Variants in CRNKL1 observed in about 807,000 individuals in gnomAD.
CRNKL1 encodes the protein crooked neck-like protein 1.
A neutral mutation model predicts 103.7 loss-of-function variants in CRNKL1; 35 were observed. The observed-to-expected ratio is 0.34, with a 90% CI of 0.26 to 0.45. The LOEUF is 0.45. Ranked by LOEUF, CRNKL1 falls within the 20% of genes least tolerant of loss-of-function variation. The pLI is 1.00. For missense variants in CRNKL1, 645 were observed against 836.0 expected, an observed-to-expected ratio of 0.77 and a Z score of 2.82; for synonymous variants, 267 against 282.6, an observed-to-expected ratio of 0.94 and a Z score of 0.55.
intron 5 of CRNKL1, among the ~76,000 whole-genome samples, chr20:20,047,366 T>G (rs904953763): frequency 6.6e-6 from 1 of 152,150 alleles, no homozygotes; most frequent in African/African-American, 2.4e-5. Flanking sequence ...GTATAAGTAA[T>G]CTAGAGATTA....
upstream of CRNKL1, among the ~76,000 whole-genome samples, chr20:20,054,412 T>TACACACAC (rs759860912): frequency 0.13 from 19,914 of 151,414 alleles, 1,407 homozygotes; most frequent in East Asian, 0.22. Flanking sequence ...TATATATATA[T>TACACACAC]ATACACACAC....
At chr20:20,050,417 T>TGTTAA (rs1555822702) in intron 2 of CRNKL1, 53 bp downstream of exon 2, 6 of 1,525,064 alleles carry the variant, frequency 3.9e-6, no homozygotes, top group Non-Finnish European at 5.3e-6. Flanking sequence ...CTTTTCAAAC[T>TGTTAA]GACCGATACA....
intron 7 of CRNKL1, among the ~76,000 whole-genome samples, chr20:20,043,044 CTT>C (rs2043539987): frequency 6.6e-6 from 1 of 152,184 alleles, no homozygotes; most frequent in African/African-American, 2.4e-5. Flanking sequence ...ATGACACTCT[CTT>C]TGAATTGAAA....
At chr20:20,043,355 GC>G (rs1224577630) in intron 7 of CRNKL1, 136 bp downstream of exon 7, 19 of 821,492 alleles carry the variant, frequency 2.3e-5, no homozygotes, top group Non-Finnish European at 3.6e-5. Context: ...TGAAATAGCT[GC>G]CAATTGGATC....
At position 20,037,694 on chromosome 20, in the gene CRNKL1, C is replaced by T. The variant is rs572649421; in HGVS notation, c.1648-123G>A. On this transcript the variant is annotated intron_variant, in intron 12 of 13. Transcript: ENST00000536226. ...AGTAATGTGTGCATCACTAATGTTT[C>T]ACAGATGAAAACAATGAATATATGC... is the stretch of plus-strand genomic sequence containing the variant. 2.2e-5 allele frequency: 19 copies of T among 864,928 alleles called. No individual in the cohort carries two copies. In the South Asian group the frequency reaches 2.7e-4, roughly 12 times the overall value. 53.6% of individuals were successfully genotyped at this position (864,928 alleles called of 1,614,324 possible).
chr20:20,035,402 G>C lies in CRNKL1; in HGVS notation c.*793C>G, dbSNP rs999060492. 4.6e-5 allele frequency: 7 copies of C among 152,248 alleles called. No individual in the cohort carries two copies. Among genetic ancestry groups the C allele is most frequent in the Admixed American group, 1.3e-4 (2 of 15,290 alleles). The allele number at this position is 152,248 out of a possible 1,614,324, so 9.4% of individuals were successfully genotyped here. A position where few individuals can be genotyped will look rare whatever the true frequency, so the allele number is the denominator to read the frequency against. Reference sequence around the variant, plus strand: ...ACATCATTTTTCATAGCACACACGTGAACAAGCCATTATTCTTTAAACAAG... The same window carrying C: ...ACATCATTTTTCATAGCACACACGTCAACAAGCCATTATTCTTTAAACAAG... On this transcript the variant is annotated 3_prime_UTR_variant, in exon 14 of 14. Transcript: ENST00000536226.
rs762215398 is a variant in CRNKL1, at chr20:20,038,378, G to A, written c.1618C>T (p.Arg540Trp). ...ACATGCTGCGTCCGTTGAAGCAACCGCCGGTAAAGGTTTCGTGTTCTTTCT... is the reference window on the plus strand; with the variant it reads ...ACATGCTGCGTCCGTTGAAGCAACCACCGGTAAAGGTTTCGTGTTCTTTCT... ...ETERTRNLYRRLLQRTQHVKV... is the reference protein window; with the variant it reads ...ETERTRNLYRWLLQRTQHVKV... Residue 540 changes from arginine (R) to tryptophan (W), a missense_variant, in exon 12 of 14, where the codon CGG (arginine) becomes TGG (tryptophan). By Grantham distance (101) the Arg-to-Trp change is moderately radical. This residue lies in a region of CRNKL1 where 582 missense variants were observed against 707.7 expected (regional missense o/e 0.82). Coordinates refer to ENST00000536226, the MANE Select transcript of CRNKL1 (RefSeq NM_001278628.2). The A allele has an allele frequency of 2.3e-5, 35 of 1,551,992 alleles. 1 individual carries two copies. In the South Asian group the frequency reaches 2.3e-4, roughly 10 times the overall value.
chr20:20,038,445 A>T lies in CRNKL1; in HGVS notation c.1551T>A (p.Leu517=). Residue 517 remains leucine (L), a synonymous_variant, in exon 12 of 14, where the codon CTT becomes CTA. Transcript: ENST00000536226. The part of the protein sequence containing the change: ...SQPRLDMPEV[L]WKSYIDFEIE... Reference sequence around the variant, plus strand: ...TTTCAAAATCAATATATGATTTCCAAAGCACCTAAGGAAGAAAAGTAAATG... The same window carrying T: ...TTTCAAAATCAATATATGATTTCCATAGCACCTAAGGAAGAAAAGTAAATG... 1 of 1,546,872 alleles carries T rather than the reference A, an allele frequency of 6.5e-7. No homozygotes were observed. Among genetic ancestry groups the T allele is most frequent in the Non-Finnish European group, 8.8e-7 (1 of 1,142,558 alleles).
chr20:20,043,735 T>A (rs1243287567), intron 6 of CRNKL1, 73 bp from the exon 7 acceptor site: 4 of 1,383,306 alleles, frequency 2.9e-6, no homozygotes, highest in Admixed American at 3.9e-5. Context: ...AGAGTAAATA[T>A]AACAAAATAT....
intron 4 of CRNKL1, 81 bp downstream of exon 4, chr20:20,048,262 C>T (rs2043626328): frequency 1.4e-6 from 2 of 1,473,524 alleles, no homozygotes; most frequent in Admixed American, 3.7e-5. Context: ...ATTAAACTAT[C>T]ATCATGTAAA....
chr20:20,048,238 A>C, intron 4 of CRNKL1, 105 bp downstream of exon 4: 3 of 1,289,376 alleles, frequency 2.3e-6, no homozygotes, highest in Non-Finnish European at 1.1e-6. Context: ...TCTGAAGAAA[A>C]AGTAGGATAT....
intron 9 of CRNKL1, 56 bp from the exon 10 acceptor site, chr20:20,040,822 G>A: frequency 8.3e-7 from 1 of 1,202,936 alleles, no homozygotes; most frequent in Admixed American, 2.0e-5. Context: ...AAATTAAATT[G>A]AATTAAAATT....
intron 7 of CRNKL1, 32 bp from the exon 8 acceptor site, chr20:20,042,548 A>T: frequency 6.3e-7 from 1 of 1,576,798 alleles, no homozygotes; most frequent in Non-Finnish European, 8.6e-7. Flanking sequence ...TAAATAAAAA[A>T]CAAAACCAAG....
chr20:20,051,657 A>G (rs2043740742), intron 1 of CRNKL1, among the ~76,000 whole-genome samples: 2 of 152,220 alleles, frequency 1.3e-5, no homozygotes, highest in Non-Finnish European at 2.9e-5. Flanking sequence ...GAAAGACTGG[A>G]GGGAGGGTAT....
intron 9 of CRNKL1, among the ~76,000 whole-genome samples, chr20:20,041,020 A>ATACTG (rs2043504383): frequency 6.6e-6 from 1 of 152,224 alleles, no homozygotes; most frequent in South Asian, 2.1e-4. Context: ...CATGATCCAG[A>ATACTG]TACTGTACTG....
chr20:20,036,185 GA>G lies in CRNKL1; in HGVS notation c.*9del, dbSNP rs1361174051. ...TAAAAATAACAAAACATTTGTCTATGAAAAAAAGATCAGGATTCACTCTCAT... is the reference window on the plus strand; with the variant it reads ...TAAAAATAACAAAACATTTGTCTATGAAAAAAGATCAGGATTCACTCTCAT... On this transcript the variant is annotated 3_prime_UTR_variant, in exon 14 of 14. Coordinates refer to ENST00000536226, the MANE Select transcript of CRNKL1 (RefSeq NM_001278628.2). 5 of 1,608,328 alleles carry G rather than the reference GA, an allele frequency of 3.1e-6. No homozygotes were observed. The East Asian group carries it at 1.1e-4, about 36-fold the overall frequency.
Position 20,036,055 on chromosome 20 carries a change from T to TA in CRNKL1, c.*139dup. 1 of 894,180 alleles carries TA rather than the reference T, an allele frequency of 1.1e-6. No homozygotes were observed. Among genetic ancestry groups the TA allele is most frequent in the East Asian group, 2.7e-5 (1 of 36,906 alleles). The allele number at this position is 894,180 out of a possible 1,614,324, so 55.4% of individuals were successfully genotyped here. A position where few individuals can be genotyped will look rare whatever the true frequency, so the allele number is the denominator to read the frequency against. ...TACCCCTAGCTAACCCAAGAGCATT[T>TA]AAAAAATAACTTAAAAAGTAGCCAT... is the stretch of plus-strand genomic sequence containing the variant. On this transcript the variant is annotated 3_prime_UTR_variant, in exon 14 of 14. Transcript: ENST00000536226.
upstream of CRNKL1, among the ~76,000 whole-genome samples, chr20:20,054,022 T>TG (rs1216437091): frequency 4.1e-3 from 610 of 149,324 alleles, 4 homozygotes; most frequent in African/African-American, 0.013. Flanking sequence ...TGTTTTTTTT[T>TG]TTTTTTTTTT....
At chr20:20,050,763 C>T in intron 1 of CRNKL1, 141 bp from the exon 2 acceptor site, 1 of 645,146 alleles carries the variant, frequency 1.6e-6, no homozygotes, top group Admixed American at 3.5e-5. Context: ...CCCATTCCTC[C>T]ATGAGACTGA....
Sources: allele counts gnomAD v4.1 joint callset (sites outside exome capture counted in the v4.1 genomes callset), GRCh38; gene constraint gnomAD v4.1.1; regional missense constraint gnomAD v4.1.1; transcripts MANE v1.5; gene names NCBI Gene and HGNC (gene_info 2026-07-23, HGNC 2026-07-21).